The following DRGX variants were observed in gnomAD, a reference collection of about 807,000 sequenced individuals.
DRGX encodes dorsal root ganglia homeobox, also known as dorsal root ganglia homeobox protein.
DRGX carries 21 observed loss-of-function variants against 28.6 expected under a neutral mutation model. That is an observed-to-expected ratio of 0.73 (90% confidence interval 0.52 to 1.06). DRGX has a LOEUF of 1.06. Ranked by LOEUF, DRGX falls within the 50% of genes least tolerant of loss-of-function variation. The pLI, the probability that DRGX is intolerant of heterozygous loss-of-function variation, is 0.00. For missense variants in DRGX, 354 were observed against 343.9 expected, an observed-to-expected ratio of 1.03 and a Z score of -0.23; for synonymous variants, 136 against 139.1, an observed-to-expected ratio of 0.98 and a Z score of 0.16.
At position 49,390,126 on chromosome 10, in the gene DRGX, G is replaced by T. The variant is rs1443616512; in HGVS notation, c.234+7C>A. On this transcript the variant is annotated splice_region_variant and intron_variant, in intron 4 of 6. Coordinates refer to ENST00000374139, the MANE Select transcript of DRGX (RefSeq NM_001276451.2). ...TAGAGAGTTAAATAATTAAAAAGAA[G>T]GTTTACCTGCACTCTGGCTTCTGTG... 1.9e-6 allele frequency: 3 copies of T among 1,601,330 alleles called. No homozygotes were observed. Among genetic ancestry groups the T allele is most frequent in the Non-Finnish European group, 2.6e-6 (3 of 1,174,140 alleles).
In DRGX at chr10:49,370,169, C is replaced by G. The variant is rs1849643737; in HGVS notation, c.527-3788G>C. Among the ~76,000 whole-genome samples, 3 of 152,128 alleles carry G rather than the reference C, an allele frequency of 2.0e-5. No homozygotes were observed. The South Asian group carries it at 6.2e-4, about 32-fold the overall frequency. ...CCTGTAAAACCAGCACTTTGGGAGG[C>G]CTAGACGAGTGGATCACCTGAGGTC... On this transcript the variant is annotated intron_variant, in intron 6 of 6. Transcript: ENST00000374139.
At chr10:49,386,613 T>C (rs766977101) in intron 5 of DRGX, 23 bp from the exon 6 acceptor site, 63 of 1,595,086 alleles carry the variant, frequency 3.9e-5, no homozygotes, top group East Asian at 2.2e-4. Context: ...GGAGATCATA[T>C]TGAGGTCTCG....
chr10:49,370,674 A>G (rs1269450057), intron 6 of DRGX, among the ~76,000 whole-genome samples: 2 of 152,256 alleles, frequency 1.3e-5, no homozygotes, highest in African/African-American at 4.8e-5. Context: ...TGGATCCAAG[A>G]CAGAGGTATG....
intron 6 of DRGX, among the ~76,000 whole-genome samples, chr10:49,374,335 C>G (rs74326934): frequency 6.6e-6 from 1 of 152,104 alleles, no homozygotes; most frequent in Non-Finnish European, 1.5e-5. Flanking sequence ...GCTGAGGGTG[C>G]GCCATGAGAT....
chr10:49,384,891 T>C (rs1051705851), intron 6 of DRGX, among the ~76,000 whole-genome samples: 7 of 152,302 alleles, frequency 4.6e-5, no homozygotes, highest in African/African-American at 1.7e-4. Flanking sequence ...TTCCTATTCA[T>C]GAGGCCAGAG....
At position 49,370,179 on chromosome 10, in the gene DRGX, T is replaced by C. The variant is rs983169010; in HGVS notation, c.527-3798A>G. On this transcript the variant is annotated intron_variant, in intron 6 of 6. Coordinates refer to ENST00000374139, the MANE Select transcript of DRGX (RefSeq NM_001276451.2). ...CAGCACTTTGGGAGGCCTAGACGAG[T>C]GGATCACCTGAGGTCTGGAGTTCGA... Among the ~76,000 whole-genome samples the C allele has an allele frequency of 7.9e-5, 12 of 152,048 alleles. No individual in the cohort carries two copies. In the East Asian group the frequency reaches 1.9e-3, roughly 25 times the overall value.
chr10:49,377,967 C>A (rs560853650), intron 6 of DRGX, among the ~76,000 whole-genome samples: 2 of 152,098 alleles, frequency 1.3e-5, no homozygotes, highest in African/African-American at 4.8e-5. Flanking sequence ...CTAAAGAAAA[C>A]ATTAGCAAAC....
At position 49,380,139 on chromosome 10, in the gene DRGX, G is replaced by A. The variant is rs558706942; in HGVS notation, c.526+6339C>T. On this transcript the variant is annotated intron_variant, in intron 6 of 6. Transcript: ENST00000374139. ...AGGTCAGCTATGGTGCCGCCACTTG[G>A]CAGGCTGTCCTGCCCAGTGCAGGGG... Among the ~76,000 whole-genome samples the A allele has an allele frequency of 4.6e-5, 7 of 152,344 alleles. No homozygotes were observed. The East Asian group carries it at 1.4e-3, about 29-fold the overall frequency.
chr10:49,394,070 A>T (rs1459665372), intron 2 of DRGX, among the ~76,000 whole-genome samples: 1 of 152,270 alleles, frequency 6.6e-6, no homozygotes, highest in East Asian at 1.9e-4. Context: ...AGTCTCCCTC[A>T]TCCCCTAGGG....
chr10:49,367,524 T>A (rs1013501568), intron 6 of DRGX, among the ~76,000 whole-genome samples: 4 of 152,256 alleles, frequency 2.6e-5, no homozygotes, highest in Non-Finnish European at 4.4e-5. Context: ...AACTGTTAAC[T>A]GTTAGATATT....
chr10:49,390,639 G>A (rs1036311653), intron 3 of DRGX, among the ~76,000 whole-genome samples: 1 of 152,138 alleles, frequency 6.6e-6, no homozygotes, highest in African/African-American at 2.4e-5. Context: ...CCCACAAAAC[G>A]CCATAGGGAT....
intron 6 of DRGX, among the ~76,000 whole-genome samples, chr10:49,371,224 A>G (rs1296832314): frequency 6.6e-6 from 1 of 152,138 alleles, no homozygotes; most frequent in East Asian, 1.9e-4. Flanking sequence ...AACTTCATGG[A>G]CCCTGAACAC....
At position 49,390,138 on chromosome 10, in the gene DRGX, C is replaced by T. The variant is rs1008549673; in HGVS notation, c.229G>A (p.Val77Met). 1.2e-6 allele frequency: 2 copies of T among 1,609,800 alleles called. No homozygotes were observed. The highest frequency in any genetic ancestry group is 1.3e-5 in the African/African-American group (1 of 74,840). Residue 77 changes from valine (V) to methionine (M), a missense_variant, in exon 4 of 7, where the codon GTG becomes ATG. Transcript: ENST00000374139. ...TAATTAAAAAGAAGGTTTACCTGCA[C>T]TCTGGCTTCTGTGAGGTTTATTTTC... ...AMKINLTEAR[V>M]QVWFQNRRAK...
intron 6 of DRGX, among the ~76,000 whole-genome samples, chr10:49,382,729 A>G (rs1319642059): frequency 6.6e-6 from 1 of 152,078 alleles, no homozygotes; most frequent in Non-Finnish European, 1.5e-5. Flanking sequence ...CACACCAGCC[A>G]TTCTCCAGAG....
intron 6 of DRGX, among the ~76,000 whole-genome samples, chr10:49,377,467 T>C (rs367737679): frequency 6.6e-6 from 1 of 152,218 alleles, no homozygotes; most frequent in East Asian, 1.9e-4. Flanking sequence ...CCCCTCTGCC[T>C]GAGTCTGGGC....
chr10:49,390,058 T>G, intron 4 of DRGX, 75 bp downstream of exon 4: 1 of 1,395,958 alleles, frequency 7.2e-7, no homozygotes, highest in Non-Finnish European at 9.7e-7. Flanking sequence ...AAATGTGCAC[T>G]CTGCAGTCAT....
chr10:49,375,278 G>C (rs75250402), intron 6 of DRGX, among the ~76,000 whole-genome samples: 11,272 of 152,196 alleles, frequency 0.074, 457 homozygotes, highest in Middle Eastern at 0.14. Flanking sequence ...GTGCCTCCCA[G>C]ATCCAATCTC....
intron 4 of DRGX, 115 bp downstream of exon 4, chr10:49,390,018 A>T: frequency 1.1e-6 from 1 of 887,276 alleles, no homozygotes; most frequent in South Asian, 1.9e-5. Flanking sequence ...CATGAAAATG[A>T]CAGATAGTCT....
At chr10:49,373,451 C>A (rs58070295) in intron 6 of DRGX, among the ~76,000 whole-genome samples, 7 of 152,114 alleles carry the variant, frequency 4.6e-5, no homozygotes, top group African/African-American at 1.4e-4. Context: ...GATGTCCCCC[C>A]ACCCCAAAAT....
Sources: gnomAD v4.1 joint callset for allele counts (sites outside exome capture counted in the v4.1 genomes callset) on GRCh38, gnomAD v4.1.1 for gene constraint, MANE v1.5 for transcripts, NCBI Gene and HGNC (gene_info 2026-07-23, HGNC 2026-07-21) for gene names.